The following RNF150 variants were observed in gnomAD, a reference collection of about 807,000 sequenced individuals.
RNF150 encodes ring finger protein 150.
Under a neutral mutation model 39.3 loss-of-function variants are expected in RNF150, and 24 were observed. The observed-to-expected ratio is 0.61, with a 90% CI of 0.44 to 0.86. The LOEUF (loss-of-function observed/expected upper bound fraction) is 0.86, where lower values mean the gene tolerates loss of function less well. Among genes scored for constraint, RNF150 ranks in the 40% least tolerant of loss-of-function variants. RNF150 has a pLI of 0.00. For missense variants in RNF150, 502 were observed against 587.8 expected (o/e 0.85, Z 1.51); for synonymous variants, 255 against 227.3 (o/e 1.12, Z -1.10).
intron 1 of RNF150, chr4:141,053,737 A>G: frequency 7.3e-7 from 1 of 1,362,236 alleles, no homozygotes; most frequent in Admixed American, 3.2e-5. Flanking sequence ...TAAACCTGTG[A>G]ACAACGATAA....
chr4:141,080,836 G>C (rs1455497788), intron 1 of RNF150, among the ~76,000 whole-genome samples: 3 of 152,196 alleles, frequency 2.0e-5, no homozygotes, highest in Non-Finnish European at 4.4e-5. Flanking sequence ...AGAGGCAAAG[G>C]TACAGTGAGG....
chr4:141,145,854 T>A (rs1233432658), intron 1 of RNF150, among the ~76,000 whole-genome samples: 2 of 152,190 alleles, frequency 1.3e-5, no homozygotes, highest in African/African-American at 4.8e-5. Context: ...GTTCCCCACT[T>A]TTATATCTTG....
At chr4:141,141,108 A>G (rs574019784) in intron 1 of RNF150, among the ~76,000 whole-genome samples, 12 of 152,292 alleles carry the variant, frequency 7.9e-5, no homozygotes, top group Admixed American at 5.2e-4. Context: ...TTCTCTCACC[A>G]CATAGTAAGG....
chr4:140,926,164 T>C, intron 4 of RNF150, 91 bp from the exon 5 acceptor site: 1 of 880,162 alleles, frequency 1.1e-6, no homozygotes, highest in South Asian at 1.4e-5. Context: ...GGTCACAAAA[T>C]TACTCAGTGG....
chr4:141,039,182 G>A (rs1438036713), intron 1 of RNF150, among the ~76,000 whole-genome samples: 1 of 152,148 alleles, frequency 6.6e-6, no homozygotes, highest in Non-Finnish European at 1.5e-5. Flanking sequence ...GAGGGCATAA[G>A]AATTTACGAG....
At chr4:141,178,246 G>GTC (rs1727849032) in intron 1 of RNF150, among the ~76,000 whole-genome samples, 1 of 149,806 alleles carries the variant, frequency 6.7e-6, no homozygotes, top group South Asian at 2.1e-4. Flanking sequence ...GTGTGTGTAT[G>GTC]TGTGTGTGTG....
At chr4:141,175,309 T>C (rs765528605) in intron 1 of RNF150, among the ~76,000 whole-genome samples, 8 of 152,144 alleles carry the variant, frequency 5.3e-5, no homozygotes, top group Non-Finnish European at 8.8e-5. Context: ...GAGGACAACA[T>C]TGCAAACATA....
At chr4:140,912,959 T>TAAAAAAAAA (rs10616886) in intron 5 of RNF150, among the ~76,000 whole-genome samples, 4 of 138,136 alleles carry the variant, frequency 2.9e-5, no homozygotes, top group African/African-American at 1.1e-4. Context: ...CATCAGAACA[T>TAAAAAAAAA]AAAAAAAAAA....
chr4:140,979,348 T>G (rs568186427), intron 1 of RNF150, among the ~76,000 whole-genome samples: 1 of 152,140 alleles, frequency 6.6e-6, no homozygotes, highest in East Asian at 1.9e-4. Context: ...TAAATGAAAT[T>G]AAATAGCAGA....
chr4:141,027,524 A>T lies in RNF150; in HGVS notation c.485-59651T>A, dbSNP rs546636772. The stretch of plus-strand genomic sequence containing the variant: ...GTAGCTGGTGTCTAAAACTGCTTAC[A>T]CCTCTTGGCACACAGACAACATTTC... On this transcript the variant is annotated intron_variant, in intron 1 of 6. Coordinates refer to ENST00000515673, the MANE Select transcript of RNF150 (RefSeq NM_020724.2). Among the ~76,000 whole-genome samples, 237 of 152,254 alleles carry T rather than the reference A, an allele frequency of 1.6e-3. 9 individuals are homozygous for T. The South Asian group carries it at 0.047, about 30-fold the overall frequency.
At chr4:141,032,145 A>G (rs1035066312) in intron 1 of RNF150, among the ~76,000 whole-genome samples, 8 of 152,250 alleles carry the variant, frequency 5.3e-5, no homozygotes, top group South Asian at 4.1e-4. Flanking sequence ...GACAACATAC[A>G]TGAACCTGGA....
At chr4:140,958,314 C>G (rs1258791582) in intron 2 of RNF150, among the ~76,000 whole-genome samples, 8 of 152,032 alleles carry the variant, frequency 5.3e-5, no homozygotes, top group Non-Finnish European at 1.2e-4. Context: ...AACATGACAG[C>G]CTTGCTTCTA....
At chr4:141,007,658 C>T (rs931558179) in intron 1 of RNF150, among the ~76,000 whole-genome samples, 4 of 152,118 alleles carry the variant, frequency 2.6e-5, no homozygotes, top group East Asian at 1.9e-4. Context: ...AAGATTTAAA[C>T]GTTTCATTTG....
chr4:140,994,840 T>A (rs1734312672), intron 1 of RNF150, among the ~76,000 whole-genome samples: 1 of 152,160 alleles, frequency 6.6e-6, no homozygotes, highest in Admixed American at 6.5e-5. Flanking sequence ...TTTTAATTTT[T>A]AATTTTTATG....
chr4:141,132,150 C>T lies in RNF150; in HGVS notation c.484+175G>A, dbSNP rs1302463815. 1.3e-5 allele frequency among the ~76,000 whole-genome samples: 2 copies of T among 152,230 alleles called. No individual in the cohort carries two copies. Among genetic ancestry groups the T allele is most frequent in the Non-Finnish European group, 2.9e-5 (2 of 68,048 alleles). On this transcript the variant is annotated intron_variant, in intron 1 of 6. Transcript: ENST00000515673. This position sits in a 1 kb window ranked among gnomAD's most constrained non-coding sequence, Gnocchi z 4.9. ...CCCTACCCAATACAGTTAATCTTCT[C>T]CTCTTTGTAAACCCCCCAAGTGACG...
intron 1 of RNF150, among the ~76,000 whole-genome samples, chr4:141,121,684 T>C (rs977712520): frequency 3.9e-5 from 6 of 152,152 alleles, no homozygotes; most frequent in African/African-American, 1.4e-4. Context: ...ACCATTATTA[T>C]CAGTGAATCA....
At chr4:141,167,428 A>G (rs1727624385) in intron 1 of RNF150, among the ~76,000 whole-genome samples, 1 of 152,082 alleles carries the variant, frequency 6.6e-6, no homozygotes, top group South Asian at 2.1e-4. Flanking sequence ...CTTTCTTCAC[A>G]GAATTAGAAA....
intron 1 of RNF150, among the ~76,000 whole-genome samples, chr4:141,062,933 C>T (rs936033349): frequency 2.0e-5 from 3 of 152,094 alleles, no homozygotes; most frequent in Non-Finnish European, 2.9e-5. Context: ...GTGTGGTATT[C>T]GGTTTTCTGT....
chr4:141,114,208 GA>G (rs1303374878), intron 1 of RNF150, among the ~76,000 whole-genome samples: 1 of 152,016 alleles, frequency 6.6e-6, no homozygotes, highest in Admixed American at 6.6e-5. Flanking sequence ...AAAAAAAATT[GA>G]TGAATCCAGG....
Sources: allele counts gnomAD v4.1 joint callset (sites outside exome capture counted in the v4.1 genomes callset), GRCh38; gene constraint gnomAD v4.1.1; non-coding constraint Gnocchi (gnomAD v3.1); transcripts MANE v1.5; gene names NCBI Gene and HGNC (gene_info 2026-07-23, HGNC 2026-07-21).